The following APP variants were observed in gnomAD, a reference collection of about 807,000 sequenced individuals.
The protein encoded by APP is amyloid beta precursor protein.
In APP, 31 loss-of-function variants were observed where a neutral mutation model predicts 101.4. The ratio of observed to expected loss-of-function variants is 0.31; its 90% CI spans 0.23 to 0.41. APP has a LOEUF of 0.41. Among genes scored for constraint, APP ranks in the 10% least tolerant of loss-of-function variants. APP has a pLI of 1.00. For missense variants in APP, 839 were observed against 1,003.7 expected (o/e 0.84, Z 2.22); for synonymous variants, 366 against 364.4 (o/e 1.00, Z -0.05).
At chr21:25,932,705 T>C (rs981135792) in intron 13 of APP, among the ~76,000 whole-genome samples, 3 of 152,118 alleles carry the variant, frequency 2.0e-5, no homozygotes, top group African/African-American at 7.3e-5. Context: ...TCCTTATCTG[T>C]TCTTAAAATG....
chr21:26,020,763 T>C (rs2044300679), intron 6 of APP, among the ~76,000 whole-genome samples: 2 of 152,212 alleles, frequency 1.3e-5, no homozygotes. Flanking sequence ...GCATACTCTT[T>C]AAGGAACTCA....
intron 1 of APP, among the ~76,000 whole-genome samples, chr21:26,149,689 T>C (rs2063223101): frequency 6.6e-6 from 1 of 152,202 alleles, no homozygotes; most frequent in Non-Finnish European, 1.5e-5. Context: ...CTCTTTTAAA[T>C]GTTTGGAGTA....
chr21:26,094,741 T>C (rs1343829226), intron 2 of APP, among the ~76,000 whole-genome samples: 3 of 151,568 alleles, frequency 2.0e-5, no homozygotes, highest in Non-Finnish European at 4.4e-5. Context: ...ATCATAACTA[T>C]AGTAGTCCTC....
intron 2 of APP, among the ~76,000 whole-genome samples, chr21:26,111,271 A>T (rs1223442074): frequency 6.6e-6 from 1 of 152,196 alleles, no homozygotes; most frequent in East Asian, 1.9e-4. Context: ...CTAACATGAT[A>T]GTCAAAAAGT....
intron 16 of APP, among the ~76,000 whole-genome samples, 194 bp from the exon 17 acceptor site, chr21:25,892,062 A>G (rs1219848582): frequency 6.6e-6 from 1 of 150,960 alleles, no homozygotes; most frequent in East Asian, 1.9e-4. Context: ...AAAAAAAAAA[A>G]AAAGAAATCA....
chr21:26,133,813 T>C (rs1006317188), intron 1 of APP, among the ~76,000 whole-genome samples: 5 of 151,986 alleles, frequency 3.3e-5, no homozygotes, highest in Non-Finnish European at 7.4e-5. Context: ...AGAAAACAGT[T>C]CCCTGTCCGT....
intron 1 of APP, among the ~76,000 whole-genome samples, chr21:26,130,172 T>A (rs574053809): frequency 1.3e-5 from 2 of 152,332 alleles, no homozygotes; most frequent in Admixed American, 1.3e-4. Flanking sequence ...AAGGTTACAT[T>A]TTACAAACAA....
intron 6 of APP, among the ~76,000 whole-genome samples, chr21:26,019,067 A>C (rs1001589751): frequency 6.6e-6 from 1 of 152,228 alleles, no homozygotes; most frequent in Non-Finnish European, 1.5e-5. Flanking sequence ...GCATCCTCTC[A>C]TTGTACTGCA....
chr21:26,094,819 ATGAG>A (rs2061904879), intron 2 of APP, among the ~76,000 whole-genome samples: 1 of 151,568 alleles, frequency 6.6e-6, no homozygotes, highest in African/African-American at 2.4e-5. Flanking sequence ...CTATAAATAA[ATGAG>A]TTTTATTTTT....
At chr21:25,887,538 AAAC>A (rs1206195219) in intron 17 of APP, among the ~76,000 whole-genome samples, 33 of 145,538 alleles carry the variant, frequency 2.3e-4, no homozygotes, top group East Asian at 5.9e-4. Context: ...AAAAAAAAAA[AAAC>A]AACAACTAGC....
At chr21:25,969,748 A>C (rs1601065377) in intron 11 of APP, among the ~76,000 whole-genome samples, 1 of 151,558 alleles carries the variant, frequency 6.6e-6, no homozygotes, top group East Asian at 1.9e-4. Flanking sequence ...CTGAGGCAAA[A>C]GGATTGCTTG....
intron 4 of APP, among the ~76,000 whole-genome samples, chr21:26,052,414 G>C (rs1393942048): frequency 3.3e-5 from 5 of 152,174 alleles, no homozygotes; most frequent in Non-Finnish European, 5.9e-5. Context: ...AGCACTATGA[G>C]CTAGATAAAG....
At chr21:25,973,682 C>T (rs1438469715) in intron 11 of APP, among the ~76,000 whole-genome samples, 1 of 152,018 alleles carries the variant, frequency 6.6e-6, no homozygotes, top group African/African-American at 2.4e-5. Context: ...GTGGTTCACG[C>T]CTGTAATCCC....
chr21:25,952,726 G>A (rs11910049), intron 13 of APP, among the ~76,000 whole-genome samples: 2,259 of 148,810 alleles, frequency 0.015, 46 homozygotes, highest in African/African-American at 0.054. Flanking sequence ...GTGAAAACAG[G>A]CTTAAGATAG....
chr21:26,131,289 T>C (rs1237781577), intron 1 of APP, among the ~76,000 whole-genome samples: 1 of 152,100 alleles, frequency 6.6e-6, no homozygotes, highest in African/African-American at 2.4e-5. Flanking sequence ...AGGTCTGTTG[T>C]CAATGAAGTA....
intron 6 of APP, among the ~76,000 whole-genome samples, chr21:26,010,957 C>A (rs2043775473): frequency 6.6e-6 from 1 of 151,838 alleles, no homozygotes; most frequent in Non-Finnish European, 1.5e-5. Flanking sequence ...ACCATGGAGG[C>A]AGAGATTGCA....
At chr21:26,115,347 G>T (rs1030602157) in intron 1 of APP, among the ~76,000 whole-genome samples, 2 of 152,156 alleles carry the variant, frequency 1.3e-5, no homozygotes, top group Non-Finnish European at 2.9e-5. Context: ...AACACCAGAT[G>T]TGTATATGGA....
intron 2 of APP, among the ~76,000 whole-genome samples, chr21:26,108,524 G>T (rs528489477): frequency 6.6e-6 from 1 of 152,264 alleles, no homozygotes; most frequent in East Asian, 1.9e-4. Flanking sequence ...ATATGGTAGG[G>T]GACATAGTGA....
At chr21:26,008,951 T>A (rs2043657656) in intron 6 of APP, among the ~76,000 whole-genome samples, 1 of 152,204 alleles carries the variant, frequency 6.6e-6, no homozygotes, top group South Asian at 2.1e-4. Context: ...TAGAGTCTAC[T>A]ACTCAAAATA....
Sources: allele counts gnomAD v4.1 joint callset (sites outside exome capture counted in the v4.1 genomes callset), GRCh38; gene constraint gnomAD v4.1.1; transcripts MANE v1.5; gene names NCBI Gene and HGNC (gene_info 2026-07-23, HGNC 2026-07-21).